The following UTP4 variants were observed in gnomAD, a reference collection of about 807,000 sequenced individuals.
UTP4 encodes the protein U3 small nucleolar RNA-associated protein 4 homolog.
UTP4 carries 45 observed loss-of-function variants against 82.4 expected under a neutral mutation model. The observed-to-expected ratio is 0.55, with a 90% CI of 0.43 to 0.70. UTP4 has a LOEUF of 0.70. Among genes scored for constraint, UTP4 ranks in the 30% least tolerant of loss-of-function variants. UTP4 has a pLI of 0.00. For synonymous variants in UTP4, 348 were observed against 300.3 expected, an observed-to-expected ratio of 1.16 and a Z score of -1.64; for missense variants, 819 against 858.3, an observed-to-expected ratio of 0.95 and a Z score of 0.57.
At chr16:69,147,228 G>A (rs1963142801) in intron 6 of UTP4, among the ~76,000 whole-genome samples, 1 of 146,088 alleles carries the variant, frequency 6.8e-6, no homozygotes, top group African/African-American at 2.6e-5. Flanking sequence ...AATAAGCCGG[G>A]CGTGGTGACT....
rs777825191 is a variant in UTP4, at chr16:69,150,921, A to G, written c.1002+17A>G. On this transcript the variant is annotated intron_variant, in intron 8 of 16. Transcript: ENST00000314423. ...TTTCCCCACGTAAGTGTCCATTCCA[A>G]GCCCCTGCTAACCCCTCATCTCCCC... 2.5e-6 allele frequency: 4 copies of G among 1,590,302 alleles called. No homozygotes were observed. In the East Asian group the frequency reaches 8.9e-5, roughly 36 times the overall value.
chr16:69,144,322 C>T (rs1322004695), intron 6 of UTP4, among the ~76,000 whole-genome samples: 3 of 152,014 alleles, frequency 2.0e-5, no homozygotes, highest in East Asian at 1.9e-4. Context: ...CCTCAGCCTC[C>T]GAAGTAGGTG....
intron 9 of UTP4, 142 bp from the exon 10 acceptor site, chr16:69,154,251 G>A (rs1483107192): frequency 1.5e-6 from 1 of 672,516 alleles, no homozygotes; most frequent in Non-Finnish European, 2.7e-6. Context: ...CTCAAAAATT[G>A]TGAGCTTACT....
intron 10 of UTP4, among the ~76,000 whole-genome samples, chr16:69,154,868 A>T (rs192656494): frequency 2.3e-3 from 343 of 152,168 alleles, no homozygotes; most frequent in Non-Finnish European, 3.9e-3. Context: ...AGCTGGGATT[A>T]CATGCATGCG....
Position 69,160,409 on chromosome 16 carries a change from G to A in UTP4, c.1498G>A (p.Ala500Thr), listed in dbSNP as rs1963532564. 1.2e-6 allele frequency: 2 copies of A among 1,614,018 alleles called. No homozygotes were observed. Among genetic ancestry groups the A allele is most frequent in the African/African-American group, 1.3e-5 (1 of 74,900 alleles). Reference sequence around the variant, plus strand: ...AGTCAGTCCAGATGGGAATTGGCTAGCTGCATCAGGTACCAGTGCTGGAGT... The same window carrying A: ...AGTCAGTCCAGATGGGAATTGGCTAACTGCATCAGGTACCAGTGCTGGAGT... ...LAVSPDGNWL[A>T]ASGTSAGVHV... Residue 500 changes from alanine (A) to threonine (T), a missense_variant, in exon 13 of 17, where the codon GCT (alanine) becomes ACT (threonine). Physicochemically the swap from Ala to Thr is moderately conservative, Grantham distance 58 (BLOSUM62 0). Coordinates refer to ENST00000314423, the MANE Select transcript of UTP4 (RefSeq NM_032830.3).
intron 8 of UTP4, among the ~76,000 whole-genome samples, chr16:69,152,916 C>G (rs997283774): frequency 6.6e-6 from 1 of 152,210 alleles, no homozygotes; most frequent in Non-Finnish European, 1.5e-5. Context: ...AGCCACTGCT[C>G]CAGGCCCATT....
chr16:69,156,059 A>G (rs1963403696), intron 11 of UTP4, 66 bp downstream of exon 11: 1 of 1,530,518 alleles, frequency 6.5e-7, no homozygotes, highest in African/African-American at 1.4e-5. Flanking sequence ...TTTTGTGTGA[A>G]GTGGAAATCA....
Position 69,150,865 on chromosome 16 carries a change from G to C in UTP4, c.963G>C (p.Lys321Asn). 2 of 1,614,138 alleles carry C rather than the reference G, an allele frequency of 1.2e-6. No individual in the cohort carries two copies. Among genetic ancestry groups the C allele is most frequent in the Non-Finnish European group, 1.7e-6 (2 of 1,180,022 alleles). The change falls in exon 8 of 17, where the codon AAG becomes AAC. Residue 321 changes from lysine (K) to asparagine (N), a missense_variant. By Grantham distance (94) the Lys-to-Asn change is moderately conservative (BLOSUM62 0). Transcript: ENST00000314423. ...FRPLMEKVEV[K>N]NYDAALRKIT... is the part of the protein sequence containing the mutation. ...CTCTCATGGAGAAGGTGGAAGTAAA[G>C]AATTACGATGCCGCTCTCCGAAAAA...
At chr16:69,134,702 CTTTT>C (rs751705922) in intron 2 of UTP4, among the ~76,000 whole-genome samples, 4 of 131,520 alleles carry the variant, frequency 3.0e-5, no homozygotes, top group Non-Finnish European at 6.6e-5. Context: ...TTTTCTTTTT[CTTTT>C]TTTTTTTTTT....
At chr16:69,167,438 A>G (rs1963729670) in intron 16 of UTP4, 4 of 466,220 alleles carry the variant, frequency 8.6e-6, no homozygotes, top group Non-Finnish European at 7.9e-6. Context: ...GTTGGCGCTG[A>G]GGGTAGAGTC....
At chr16:69,153,722 G>A in intron 9 of UTP4, 42 bp downstream of exon 9, 1 of 1,318,608 alleles carries the variant, frequency 7.6e-7, no homozygotes, top group Non-Finnish European at 1.1e-6. Flanking sequence ...AAACTGGAGA[G>A]AGAAGCCAGA....
intron 10 of UTP4, among the ~76,000 whole-genome samples, chr16:69,155,141 T>A (rs1042220276): frequency 6.6e-6 from 1 of 152,238 alleles, no homozygotes; most frequent in Non-Finnish European, 1.5e-5. Context: ...CTCCAGATTC[T>A]TTTTTGTTTG....
Position 69,133,602 on chromosome 16 carries a change from A to G in UTP4, c.143A>G (p.Asn48Ser), listed in dbSNP as rs1384730361. 6.2e-7 allele frequency: 1 copy of G among 1,614,130 alleles called. No homozygotes were observed. The highest frequency in any genetic ancestry group is 8.5e-7 in the Non-Finnish European group (1 of 1,180,012). The change falls in exon 2 of 17, where the codon AAC becomes AGC. Residue 48 changes from asparagine (N) to serine (S), a missense_variant. Transcript: ENST00000314423. ...GTVEIYNLSA[N>S]YFQEKFFPGH... is the part of the protein sequence containing the mutation. ...GTGGAAATTTATAACTTGTCAGCAA[A>G]CTACTTTCAGGAGAAAGTAAGTCAT...
intron 16 of UTP4, 148 bp from the exon 17 acceptor site, chr16:69,168,673 G>C (rs1015400753): frequency 1.4e-6 from 1 of 719,772 alleles, no homozygotes; most frequent in Non-Finnish European, 2.5e-6. Flanking sequence ...TTGAGTCCCA[G>C]GGCAGGAAAG....
chr16:69,163,497 G>T (rs906656200), intron 14 of UTP4, among the ~76,000 whole-genome samples: 1 of 152,040 alleles, frequency 6.6e-6, no homozygotes, highest in African/African-American at 2.4e-5. Flanking sequence ...GTATTAAACT[G>T]GATATGGGAT....
In UTP4 at chr16:69,137,867, A is replaced by G. The variant is rs1962851495; in HGVS notation, c.418A>G (p.Asn140Asp). 2 of 1,611,140 alleles carry G rather than the reference A, an allele frequency of 1.2e-6. No individual in the cohort carries two copies. Among genetic ancestry groups the G allele is most frequent in the East Asian group, 2.2e-5 (1 of 44,872 alleles). The change falls in exon 4 of 17, where the codon AAT (asparagine) becomes GAT (aspartate). Residue 140 changes from asparagine to aspartate, a missense_variant. Coordinates refer to ENST00000314423, the MANE Select transcript of UTP4 (RefSeq NM_032830.3). ...CCCAGACAAAATCCAGTTTGAAAGAAATTTTGATCGGCAGAAAAGTAAGCG... is the reference window on the plus strand; with the variant it reads ...CCCAGACAAAATCCAGTTTGAAAGAGATTTTGATCGGCAGAAAAGTAAGCG... ...ITPDKIQFERNFDRQKSRILS... is the reference protein window; with the variant it reads ...ITPDKIQFERDFDRQKSRILS...
In UTP4 at chr16:69,169,012, T is replaced by C; in HGVS notation, c.*75T>C. 5 of 918,078 alleles carry C rather than the reference T, an allele frequency of 5.4e-6. No homozygotes were observed. Among genetic ancestry groups the C allele is most frequent in the Non-Finnish European group, 1.8e-6 (1 of 543,716 alleles). 56.9% of individuals were successfully genotyped at this position (918,078 alleles called of 1,614,324 possible). A position where few individuals can be genotyped will look rare whatever the true frequency, so the allele number is the denominator to read the frequency against. Reference sequence around the variant, plus strand: ...TCACAAATCATGGTAATAAAACAAGTTATTCTTGAGGACTAGTCATTATAA... The same window carrying C: ...TCACAAATCATGGTAATAAAACAAGCTATTCTTGAGGACTAGTCATTATAA... On this transcript the variant is annotated 3_prime_UTR_variant, in exon 17 of 17. Transcript: ENST00000314423.
chr16:69,143,150 T>A (rs1963009640), intron 5 of UTP4, 28 bp from the exon 6 acceptor site: 1 of 1,606,546 alleles, frequency 6.2e-7, no homozygotes, highest in Non-Finnish European at 8.5e-7. Context: ...TAAGTACCAT[T>A]TGAAGGTGTG....
At position 69,165,543 on chromosome 16, in the gene UTP4, T is replaced by C. The variant is rs1963681064; in HGVS notation, c.1833+17T>C. 6.2e-7 allele frequency: 1 copy of C among 1,603,848 alleles called. No homozygotes were observed. Among genetic ancestry groups the C allele is most frequent in the African/African-American group, 1.3e-5 (1 of 74,860 alleles). ...AAGTCATTGGTGAGTTCTTCACTGC[T>C]ACCTCCCAAATCTTCTTCTGAATCT... On this transcript the variant is annotated intron_variant, in intron 15 of 16. Coordinates refer to ENST00000314423, the MANE Select transcript of UTP4 (RefSeq NM_032830.3).
Sources: allele counts gnomAD v4.1 joint callset (sites outside exome capture counted in the v4.1 genomes callset), GRCh38; gene constraint gnomAD v4.1.1; transcripts MANE v1.5; gene names NCBI Gene and HGNC (gene_info 2026-07-23, HGNC 2026-07-21).